LARP4: variants seen among roughly 807,000 people sequenced by gnomAD.
The protein encoded by LARP4 is La ribonucleoprotein 4, also known as la-related protein 4.
Under a neutral mutation model 92.9 loss-of-function variants are expected in LARP4, and 29 were observed. That is an observed-to-expected ratio of 0.31 (90% CI 0.23 to 0.43). LARP4 has a LOEUF of 0.43. LARP4 is among the 20% of genes least tolerant of loss of function. LARP4 has a pLI of 1.00. For missense variants in LARP4, 732 were observed against 860.0 expected, an observed-to-expected ratio of 0.85 and a Z score of 1.86; for synonymous variants, 279 against 284.1, an observed-to-expected ratio of 0.98 and a Z score of 0.18.
chr12:50,466,775 A>T (rs1956206882), intron 12 of LARP4, among the ~76,000 whole-genome samples, 184 bp from the exon 13 acceptor site: 1 of 152,220 alleles, frequency 6.6e-6, no homozygotes, highest in Non-Finnish European at 1.5e-5. Flanking sequence ...GAAAAGTAGA[A>T]TTGATAAAGA....
At chr12:50,472,462 G>T (rs1218326968) in intron 13 of LARP4, among the ~76,000 whole-genome samples, 1 of 151,518 alleles carries the variant, frequency 6.6e-6, no homozygotes, top group Non-Finnish European at 1.5e-5. Context: ...AACATCCTCA[G>T]CTTTCATTCA....
intron 8 of LARP4, among the ~76,000 whole-genome samples, chr12:50,448,057 G>C (rs1227105137): frequency 6.6e-6 from 1 of 152,022 alleles, no homozygotes; most frequent in African/African-American, 2.4e-5. Context: ...AGTAGAGATG[G>C]GGTTTCACCA....
chr12:50,451,369 T>C (rs1279838468), intron 8 of LARP4, among the ~76,000 whole-genome samples: 1 of 152,196 alleles, frequency 6.6e-6, no homozygotes, highest in Non-Finnish European at 1.5e-5. Context: ...TCTAGGTTCA[T>C]TCAGGTTGTC....
At chr12:50,405,256 A>G (rs1056386597) in intron 1 of LARP4, among the ~76,000 whole-genome samples, 6 of 152,106 alleles carry the variant, frequency 3.9e-5, no homozygotes, top group African/African-American at 1.4e-4. Context: ...CTCTGGAAAG[A>G]GGTAAAAGTT....
intron 1 of LARP4, among the ~76,000 whole-genome samples, chr12:50,413,393 G>A (rs1459972919): frequency 1.3e-5 from 2 of 152,070 alleles, no homozygotes; most frequent in African/African-American, 2.4e-5. Context: ...ATACACAACT[G>A]AAATACACTG....
intron 12 of LARP4, 51 bp from the exon 13 acceptor site, chr12:50,466,908 A>T: frequency 6.5e-7 from 1 of 1,546,982 alleles, no homozygotes; most frequent in Non-Finnish European, 8.9e-7. Flanking sequence ...GTGACACAGG[A>T]TTAGGGAATG....
Position 50,461,474 on chromosome 12 carries a change from C to A in LARP4, c.1334+127C>A. On this transcript the variant is annotated intron_variant, in intron 11 of 15. Transcript: ENST00000398473. ...GGTATATGGTTATATTAAATAAATACGTTATTTTCAGAACATGAGTTGGTT... is the reference window on the plus strand; with the variant it reads ...GGTATATGGTTATATTAAATAAATAAGTTATTTTCAGAACATGAGTTGGTT... 1.3e-5 allele frequency: 13 copies of A among 989,336 alleles called. No homozygotes were observed. In the South Asian group the frequency reaches 2.0e-4, roughly 15 times the overall value. 61.3% of individuals were successfully genotyped at this position (989,336 alleles called of 1,614,324 possible).
chr12:50,427,882 G>A lies in LARP4; in HGVS notation c.139G>A (p.Ala47Thr), dbSNP rs1367663563. The change falls in exon 2 of 16, where the codon GCA (alanine) becomes ACA (threonine). Residue 47 changes from alanine to threonine, a missense_variant. By Grantham distance (58) the Ala-to-Thr change is moderately conservative. Around this residue, in one of 7 missense-constraint regions of LARP4, gnomAD observed 236 missense variants for 307.6 expected, o/e 0.77. Transcript: ENST00000398473. ...HGTESSWHEI[A>T]ATSGAHPEGN... ...AACTGAAAGCTCTTGGCATGAAATAGCAGCTACATCAGGTGCTCATCCTGA... is the reference window on the plus strand; with the variant it reads ...AACTGAAAGCTCTTGGCATGAAATAACAGCTACATCAGGTGCTCATCCTGA... 9.4e-6 allele frequency: 15 copies of A among 1,597,970 alleles called. No individual in the cohort carries two copies. Among genetic ancestry groups the A allele is most frequent in the African/African-American group, 1.3e-5 (1 of 74,710 alleles).
chr12:50,437,289 G>A (rs776369765), intron 5 of LARP4, among the ~76,000 whole-genome samples: 16 of 152,074 alleles, frequency 1.1e-4, no homozygotes, highest in Non-Finnish European at 8.8e-5. Context: ...TAGTTTAAGG[G>A]CTTCTTGAAC....
chr12:50,437,874 C>T, intron 6 of LARP4, 36 bp downstream of exon 6: 1 of 1,326,484 alleles, frequency 7.5e-7, no homozygotes, highest in African/African-American at 1.5e-5. Flanking sequence ...TAAATGTTCT[C>T]TGTTTAAATT....
At position 50,437,433 on chromosome 12, in the gene LARP4, A is replaced by G. The variant is rs140753469; in HGVS notation, c.536-302A>G. On this transcript the variant is annotated intron_variant, in intron 5 of 15. Transcript: ENST00000398473. The stretch of plus-strand genomic sequence containing the variant: ...CCTCAATGAAGAATTTGGTTATTAT[A>G]TACAAGAAATTTGCCTTATTAGATA... Among the ~76,000 whole-genome samples the G allele has an allele frequency of 2.5e-3, 386 of 151,932 alleles. 3 individuals carry two copies. Among genetic ancestry groups the G allele is most frequent in the African/African-American group, 8.7e-3 (363 of 41,526 alleles).
chr12:50,425,802 G>C (rs989099387), intron 1 of LARP4, among the ~76,000 whole-genome samples: 1 of 152,004 alleles, frequency 6.6e-6, no homozygotes, highest in African/African-American at 2.4e-5. Context: ...GCCTGTCTCA[G>C]AATGGGATTA....
At chr12:50,436,433 C>A (rs1950478631) in intron 5 of LARP4, among the ~76,000 whole-genome samples, 1 of 152,104 alleles carries the variant, frequency 6.6e-6, no homozygotes, top group African/African-American at 2.4e-5. Flanking sequence ...CGTTATCACA[C>A]AACCTTTAAG....
chr12:50,437,604 G>A (rs977549215), intron 5 of LARP4, 131 bp from the exon 6 acceptor site: 15 of 543,568 alleles, frequency 2.8e-5, no homozygotes, highest in Admixed American at 1.6e-4. Flanking sequence ...CTACAACTTA[G>A]TTTCTTTAGG....
intron 8 of LARP4, among the ~76,000 whole-genome samples, chr12:50,442,305 A>G (rs1037826298): frequency 2.0e-5 from 3 of 152,232 alleles, no homozygotes; most frequent in African/African-American, 7.2e-5. Context: ...CTGCATCACT[A>G]CGTACCATCA....
intron 1 of LARP4, among the ~76,000 whole-genome samples, chr12:50,404,034 C>T (rs1278113846): frequency 2.0e-5 from 3 of 152,120 alleles, no homozygotes; most frequent in Non-Finnish European, 4.4e-5. Flanking sequence ...TGAGATCAGC[C>T]TGGCCAACAT....
chr12:50,466,658 T>C (rs1345071459), intron 12 of LARP4, among the ~76,000 whole-genome samples: 2 of 152,074 alleles, frequency 1.3e-5, no homozygotes, highest in Non-Finnish European at 2.9e-5. Context: ...GTGGGTGTTT[T>C]TGTTAAGAAG....
At chr12:50,460,737 G>A (rs1002356394) in intron 10 of LARP4, among the ~76,000 whole-genome samples, 4 of 152,070 alleles carry the variant, frequency 2.6e-5, no homozygotes, top group South Asian at 2.1e-4. Flanking sequence ...TCAGGAGATC[G>A]AGACCATCCT....
In LARP4 at chr12:50,475,621, T is replaced by A; in HGVS notation, c.1932T>A (p.Asn644Lys). Residue 644 changes from asparagine to lysine, a missense_variant, in exon 16 of 16, where the codon AAT (asparagine) becomes AAA (lysine). Asn to Lys is a moderately conservative substitution (Grantham distance 94). Around this residue, in one of 7 missense-constraint regions of LARP4, gnomAD observed 115 missense variants for 129.1 expected, o/e 0.89. Coordinates refer to ENST00000398473, the MANE Select transcript of LARP4 (RefSeq NM_052879.5). ...LVQPLRELRS[N>K]VVSPTKNEDN... ...AGCCACTACGGGAACTTCGCTCCAA[T>A]GTGGTGTCTCCCACCAAAAATGAAG... 6.2e-7 allele frequency: 1 copy of A among 1,614,132 alleles called. No individual in the cohort carries two copies. Among genetic ancestry groups the A allele is most frequent in the Non-Finnish European group, 8.5e-7 (1 of 1,180,032 alleles).
Sources: gnomAD v4.1 joint callset for allele counts (sites outside exome capture counted in the v4.1 genomes callset) on GRCh38, gnomAD v4.1.1 for gene constraint, gnomAD v4.1.1 regional missense constraint, MANE v1.5 for transcripts, NCBI Gene and HGNC (gene_info 2026-07-23, HGNC 2026-07-21) for gene names.